PRMT8: variants seen among roughly 807,000 people sequenced by gnomAD.
PRMT8 encodes protein arginine N-methyltransferase 8.
In PRMT8, 7 loss-of-function variants were observed where a neutral mutation model predicts 47.1. The observed-to-expected ratio is 0.15, with a 90% confidence interval of 0.08 to 0.28. PRMT8 has a LOEUF of 0.28. PRMT8 is among the 10% of genes least tolerant of loss of function. The pLI is 1.00. For synonymous variants in PRMT8, 188 were observed against 186.5 expected, an observed-to-expected ratio of 1.01 and a Z score of -0.07; for missense variants, 237 against 505.4, an observed-to-expected ratio of 0.47 and a Z score of 5.09.
chr12:3,568,773 C>T lies in PRMT8; in HGVS notation c.549C>T (p.Ile183=). 2 of 1,614,180 alleles carry T rather than the reference C, an allele frequency of 1.2e-6. No individual in the cohort carries two copies. The highest frequency in any genetic ancestry group is 1.7e-6 in the Non-Finnish European group (2 of 1,180,030). Residue 183 remains isoleucine, a synonymous_variant, in exon 5 of 10, where the codon ATC becomes ATT. Transcript: ENST00000382622. ...CTGTGGAGAAGGTGGACATCATCAT[C>T]AGCGAGTGGATGGGCTACTGTCTGT... ...ELPVEKVDII[I]SEWMGYCLFY... is the part of the protein sequence containing the mutation.
Position 3,538,467 on chromosome 12 carries a change from C to T in PRMT8, c.76-2139C>T, listed in dbSNP as rs373153961. 2.8e-6 allele frequency: 1 copy of T among 362,898 alleles called. No homozygotes were observed. The highest frequency in any genetic ancestry group is 3.6e-5 in the Admixed American group (1 of 27,620). 22.5% of individuals were successfully genotyped at this position (362,898 alleles called of 1,614,324 possible). A position where few individuals can be genotyped will look rare whatever the true frequency, so the allele number is the denominator to read the frequency against. On this transcript the variant is annotated intron_variant, in intron 1 of 9. Transcript: ENST00000382622. This position sits in a 1 kb window ranked among gnomAD's most constrained non-coding sequence, Gnocchi z 4.6. ...CTGAATGTTCAGGGATCACAGGCCA[C>T]TGCCGTTTCCCACCCACTCCCAGCC...
Position 3,531,879 on chromosome 12 carries a change from G to C in PRMT8, c.76-8727G>C, listed in dbSNP as rs139309567. On this transcript the variant is annotated intron_variant, in intron 1 of 9. Coordinates refer to ENST00000382622, the MANE Select transcript of PRMT8 (RefSeq NM_019854.5). Reference sequence around the variant, plus strand: ...GGCTCTGGGAATCTTGGTTGGCTCTGAGATGGCAGCACCAGGCTGCCATCT... The same window carrying C: ...GGCTCTGGGAATCTTGGTTGGCTCTCAGATGGCAGCACCAGGCTGCCATCT... Among the ~76,000 whole-genome samples, 830 of 152,334 alleles carry C rather than the reference G, an allele frequency of 5.4e-3. 8 individuals are homozygous for C. The highest frequency in any genetic ancestry group is 0.019 in the African/African-American group (794 of 41,578).
chr12:3,559,862 C>T (rs905025093), intron 4 of PRMT8, among the ~76,000 whole-genome samples: 1 of 152,166 alleles, frequency 6.6e-6, no homozygotes, highest in Non-Finnish European at 1.5e-5. Context: ...TGGGTTTGCT[C>T]AGCCCCACCT....
intron 1 of PRMT8, among the ~76,000 whole-genome samples, chr12:3,484,294 CAGA>C (rs1865302202): frequency 1.3e-5 from 2 of 152,176 alleles, no homozygotes; most frequent in South Asian, 4.1e-4. Context: ...AAATGGCAAA[CAGA>C]AGGAGGATGC....
At chr12:3,559,263 T>G (rs1202043875) in intron 4 of PRMT8, among the ~76,000 whole-genome samples, 12 of 152,196 alleles carry the variant, frequency 7.9e-5, no homozygotes, top group Non-Finnish European at 1.5e-5. Context: ...CCTTCTTACT[T>G]TCCAGCACAA....
At chr12:3,417,470 A>C (rs570585879) in intron 1 of PRMT8, among the ~76,000 whole-genome samples, 1 of 152,368 alleles carries the variant, frequency 6.6e-6, no homozygotes, top group Non-Finnish European at 1.5e-5. Flanking sequence ...AAGAATGAGG[A>C]CACCGTGGGT....
chr12:3,499,177 A>AT (rs72188429), intron 1 of PRMT8, among the ~76,000 whole-genome samples: 14,185 of 128,202 alleles, frequency 0.11, 921 homozygotes, highest in African/African-American at 0.2. Context: ...TTATTTATTT[A>AT]TTTTTTTTTT....
In PRMT8 at chr12:3,453,408, C is replaced by T. The variant is rs886575446; in HGVS notation, c.48+71966C>T. On this transcript the variant is annotated intron_variant, in intron 1 of 9. Coordinates refer to the PRMT8 transcript ENST00000452611. The surrounding 1 kb of genome is among the most constrained non-coding windows in gnomAD (Gnocchi z 4.9). ...GTGTCGCCGTCAGCAGGTGAGGGAG[C>T]GCATGGGGAATGCAGATTCCCAGGC... Among the ~76,000 whole-genome samples, 4 of 152,116 alleles carry T rather than the reference C, an allele frequency of 2.6e-5. No individual in the cohort carries two copies. The highest frequency in any genetic ancestry group is 3.9e-4 in the East Asian group (2 of 5,182).
intron 4 of PRMT8, among the ~76,000 whole-genome samples, chr12:3,558,283 A>G (rs772294998): frequency 9.3e-5 from 14 of 150,322 alleles, no homozygotes; most frequent in Non-Finnish European, 1.9e-4. Flanking sequence ...CTTTATTTTA[A>G]CCTTTGAAAT....
chr12:3,505,022 C>G (rs989679017), intron 1 of PRMT8, among the ~76,000 whole-genome samples: 1 of 133,840 alleles, frequency 7.5e-6, no homozygotes, highest in African/African-American at 2.9e-5. Flanking sequence ...TGACCCCTTG[C>G]GCTTCCCAGG....
chr12:3,496,702 T>C (rs1275464177), intron 1 of PRMT8, among the ~76,000 whole-genome samples: 1 of 152,192 alleles, frequency 6.6e-6, no homozygotes, highest in East Asian at 1.9e-4. Flanking sequence ...CATTGCCTTA[T>C]ACATGGTGAG....
intron 1 of PRMT8, among the ~76,000 whole-genome samples, chr12:3,465,955 G>A (rs1235255452): frequency 6.6e-6 from 1 of 152,148 alleles, no homozygotes; most frequent in Non-Finnish European, 1.5e-5. Flanking sequence ...TGCCCAGAGA[G>A]AAACTCTACA....
chr12:3,515,780 C>A (rs1448140667), intron 1 of PRMT8, among the ~76,000 whole-genome samples: 1 of 152,220 alleles, frequency 6.6e-6, no homozygotes, highest in Non-Finnish European at 1.5e-5. Flanking sequence ...GCTTGCTCTG[C>A]GAAACAGGCT....
intron 1 of PRMT8, among the ~76,000 whole-genome samples, chr12:3,479,462 G>A (rs1400184501): frequency 6.6e-6 from 1 of 152,138 alleles, no homozygotes; most frequent in African/African-American, 2.4e-5. Context: ...GTCATCATAG[G>A]ATGTACAACC....
rs568415052 is a variant in PRMT8 at position 3,392,756 on chromosome 12, T to G, written c.48+11314T>G. Among the ~76,000 whole-genome samples the G allele has an allele frequency of 4.9e-3, 741 of 152,218 alleles. 8 individuals are homozygous for G. Among genetic ancestry groups the G allele is most frequent in the African/African-American group, 0.017 (710 of 41,534 alleles). On this transcript the variant is annotated intron_variant, in intron 1 of 9. Coordinates refer to the PRMT8 transcript ENST00000452611. ...ATGGGATGGCTGGGTCAAATGGTAT[T>G]TCTAGTTCTAGATCCCTGAGGAATC...
chr12:3,407,673 G>A (rs1473636280), intron 1 of PRMT8, among the ~76,000 whole-genome samples: 2 of 152,166 alleles, frequency 1.3e-5, no homozygotes, highest in East Asian at 3.9e-4. Context: ...CCAAGACTTG[G>A]GAATTTTTCA....
At chr12:3,381,814 A>G (rs990076986) in intron 1 of PRMT8, among the ~76,000 whole-genome samples, 4 of 152,208 alleles carry the variant, frequency 2.6e-5, no homozygotes, top group African/African-American at 9.6e-5. Flanking sequence ...GATACAGAAC[A>G]TTCCATCAGA....
intron 1 of PRMT8, among the ~76,000 whole-genome samples, chr12:3,401,026 A>G (rs1017179835): frequency 2.6e-5 from 4 of 152,064 alleles, no homozygotes; most frequent in Non-Finnish European, 4.4e-5. Context: ...GCATGCCTGT[A>G]ATCCCAGCTA....
At chr12:3,565,794 A>G (rs1228764406) in intron 4 of PRMT8, among the ~76,000 whole-genome samples, 1 of 152,220 alleles carries the variant, frequency 6.6e-6, no homozygotes, top group Non-Finnish European at 1.5e-5. Context: ...GAGCAGCAGT[A>G]ACTCTCTTTG....
Sources: gnomAD v4.1 joint callset for allele counts (sites outside exome capture counted in the v4.1 genomes callset) on GRCh38, gnomAD v4.1.1 for gene constraint, Gnocchi (gnomAD v3.1) non-coding constraint, MANE v1.5 for transcripts, NCBI Gene and HGNC (gene_info 2026-07-23, HGNC 2026-07-21) for gene names.